Variants in SULT1C2 observed in about 807,000 individuals in gnomAD.
The protein encoded by SULT1C2 is sulfotransferase family 1C member 2, also known as sulfotransferase 1C2.
SULT1C2 carries 27 observed loss-of-function variants against 36.0 expected under a neutral mutation model. The observed-to-expected ratio is 0.75, with a 90% CI of 0.55 to 1.03. The LOEUF is 1.03. SULT1C2 is among the 50% of genes least tolerant of loss of function. The pLI, the probability that SULT1C2 is intolerant of heterozygous loss-of-function variation, is 0.00. For synonymous variants in SULT1C2, 121 were observed against 116.0 expected (o/e 1.04, Z -0.27); for missense variants, 395 against 359.2 (o/e 1.10, Z -0.80).
In SULT1C2 at chr2:108,296,310, T is replaced by C. The variant is rs547583439; in HGVS notation, c.277+1956T>C. ...AAAGGATGGTAATCAAACGGCCAGC[T>C]TGGCATGTCATACAGAGGCACCCTG... On this transcript the variant is annotated intron_variant, in intron 3 of 7. Coordinates refer to ENST00000251481, the MANE Select transcript of SULT1C2 (RefSeq NM_001056.4). 4.6e-5 allele frequency among the ~76,000 whole-genome samples: 7 copies of C among 152,300 alleles called. No individual in the cohort carries two copies. The East Asian group carries it at 5.8e-4, about 13-fold the overall frequency.
intron 3 of SULT1C2, among the ~76,000 whole-genome samples, chr2:108,295,821 G>A (rs1442699336): frequency 1.3e-5 from 2 of 152,228 alleles, no homozygotes; most frequent in East Asian, 3.9e-4. Context: ...AAAGATGGAG[G>A]CTAGCTCTGT....
chr2:108,308,261 C>T, intron 7 of SULT1C2, 91 bp from the exon 8 acceptor site: 3 of 1,190,122 alleles, frequency 2.5e-6, no homozygotes, highest in South Asian at 1.5e-5. Context: ...TGTGGACAGG[C>T]CAGATTCAGT....
chr2:108,289,131 A>G (rs1197298934), intron 1 of SULT1C2, 61 bp downstream of exon 1: 2 of 152,660 alleles, frequency 1.3e-5, no homozygotes, highest in South Asian at 2.1e-4. Flanking sequence ...TTTAACCTTT[A>G]GCCACATAGG....
chr2:108,293,609 C>T, intron 1 of SULT1C2, 38 bp from the exon 2 acceptor site: 1 of 1,537,420 alleles, frequency 6.5e-7, no homozygotes, highest in South Asian at 1.3e-5. Context: ...TATTTTACCA[C>T]AACTTCTTTA....
At chr2:108,295,331 C>T (rs1676697674) in intron 3 of SULT1C2, among the ~76,000 whole-genome samples, 1 of 152,216 alleles carries the variant, frequency 6.6e-6, no homozygotes, top group Non-Finnish European at 1.5e-5. Context: ...TAACCCAGTG[C>T]CTGTTCCCGC....
intron 7 of SULT1C2, 135 bp from the exon 8 acceptor site, chr2:108,308,216 GT>G (rs1226626192): frequency 5.6e-6 from 4 of 709,286 alleles, no homozygotes; most frequent in Non-Finnish European, 7.3e-6. Context: ...TCATGGACAG[GT>G]GTCCACTGAA....
chr2:108,290,918 C>G (rs1395238127), intron 1 of SULT1C2, among the ~76,000 whole-genome samples: 10 of 152,212 alleles, frequency 6.6e-5, no homozygotes, highest in Admixed American at 6.5e-4. Context: ...TTTTCTATCA[C>G]TATCACTGCC....
chr2:108,294,312 C>G lies in SULT1C2; in HGVS notation c.235C>G (p.Arg79Gly). Residue 79 changes from arginine to glycine, a missense_variant, in exon 3 of 8, where the codon CGC (arginine) becomes GGC (glycine). Arg to Gly is a moderately radical substitution (Grantham distance 125). Coordinates refer to ENST00000251481, the MANE Select transcript of SULT1C2 (RefSeq NM_001056.4). Reference sequence around the variant, plus strand: ...GTGCCAGCGAGCCATCATCCAACACCGCCATCCTTTCATTGAGTGGGCTCG... The same window carrying G: ...GTGCCAGCGAGCCATCATCCAACACGGCCATCCTTTCATTGAGTGGGCTCG... ...EKCQRAIIQH[R>G]HPFIEWARPP... 6.2e-7 allele frequency: 1 copy of G among 1,614,038 alleles called. No individual in the cohort carries two copies. Among genetic ancestry groups the G allele is most frequent in the Non-Finnish European group, 8.5e-7 (1 of 1,179,974 alleles).
At chr2:108,304,819 G>C (rs532246813) in intron 5 of SULT1C2, 119 bp downstream of exon 5, 3 of 1,373,340 alleles carry the variant, frequency 2.2e-6, no homozygotes, top group Non-Finnish European at 2.0e-6. Context: ...TCCTACCACA[G>C]ACTGGGACTG....
intron 7 of SULT1C2, among the ~76,000 whole-genome samples, chr2:108,306,306 T>C (rs1235548534): frequency 6.6e-6 from 1 of 152,228 alleles, no homozygotes; most frequent in Non-Finnish European, 1.5e-5. Flanking sequence ...AAACATGTCA[T>C]TGTTAAATAT....
intron 3 of SULT1C2, among the ~76,000 whole-genome samples, chr2:108,296,124 C>T (rs1472766760): frequency 6.6e-6 from 1 of 152,172 alleles, no homozygotes; most frequent in Non-Finnish European, 1.5e-5. Flanking sequence ...CTACCTCCTG[C>T]CCCTGCCGCT....
chr2:108,305,633 C>T (rs184541432), intron 7 of SULT1C2, 38 bp downstream of exon 7: 9 of 1,610,366 alleles, frequency 5.6e-6, no homozygotes, highest in East Asian at 4.5e-5. Context: ...CAGATTGTCT[C>T]GTAACATCCT....
Position 108,308,554 on chromosome 2 carries a change from C to A in SULT1C2, c.*90C>A. The A allele has an allele frequency of 9.3e-7, 1 of 1,080,198 alleles. No homozygotes were observed. The highest frequency in any genetic ancestry group is 1.3e-6 in the Non-Finnish European group (1 of 749,640). 66.9% of individuals were successfully genotyped at this position (1,080,198 alleles called of 1,614,324 possible). A position where few individuals can be genotyped will look rare whatever the true frequency, so the allele number is the denominator to read the frequency against. On this transcript the variant is annotated 3_prime_UTR_variant, in exon 8 of 8. Transcript: ENST00000251481. ...TCCCAGCCAGAAGAATCTCTGAAAG[C>A]ATATTGTGAATGTATACAATGTAGT...
At position 108,289,071 on chromosome 2, in the gene SULT1C2, G is replaced by A. The variant is rs1676529422; in HGVS notation, c.-22+1G>A. ...GCTGACTTTCAGCTGGAACTTGAAGGTAAGAATATGGCTTAAAAGAAATTC... is the reference window on the plus strand; with the variant it reads ...GCTGACTTTCAGCTGGAACTTGAAGATAAGAATATGGCTTAAAAGAAATTC... On this transcript the variant is annotated splice_donor_variant, in intron 1 of 7. Transcript: ENST00000251481. LOFTEE classifies it low-confidence loss of function (5UTR_SPLICE). The A allele has an allele frequency of 6.6e-6, 1 of 152,628 alleles. No homozygotes were observed. The highest frequency in any genetic ancestry group is 2.4e-5 in the African/African-American group (1 of 41,442). The allele number at this position is 152,628 out of a possible 1,614,324, so 9.5% of individuals were successfully genotyped here.
At chr2:108,298,740 G>A (rs1676801313) in intron 3 of SULT1C2, 1 of 271,476 alleles carries the variant, frequency 3.7e-6, no homozygotes, top group Admixed American at 5.5e-5. Context: ...CAATAACTGA[G>A]GTCACTAGGG....
intron 7 of SULT1C2, among the ~76,000 whole-genome samples, chr2:108,305,949 T>C (rs1677015290): frequency 6.6e-6 from 1 of 152,224 alleles, no homozygotes; most frequent in South Asian, 2.1e-4. Context: ...GGTCCAGGAC[T>C]CAGCAGCAGG....
At position 108,293,783 on chromosome 2, in the gene SULT1C2, C is replaced by A. The variant is rs367558634; in HGVS notation, c.116C>A (p.Pro39Gln). ...WSQIQSFEAK[P>Q]DDLLICTYPK... ...CAGATCCAGAGCTTCGAGGCCAAAC[C>A]AGATGATCTCCTCATCTGCACCTAC... The change falls in exon 2 of 8, where the codon CCA becomes CAA. Residue 39 changes from proline (P) to glutamine (Q), a missense_variant. Pro to Gln is a moderately conservative substitution (Grantham distance 76, BLOSUM62 -1). Coordinates refer to ENST00000251481, the MANE Select transcript of SULT1C2 (RefSeq NM_001056.4). The A allele has an allele frequency of 1.2e-6, 2 of 1,613,970 alleles. No homozygotes were observed. Among genetic ancestry groups the A allele is most frequent in the Non-Finnish European group, 1.7e-6 (2 of 1,180,002 alleles).
rs777327306 is a variant in SULT1C2, at chr2:108,308,500, G to C, written c.*36G>C. On this transcript the variant is annotated 3_prime_UTR_variant, in exon 8 of 8. Transcript: ENST00000251481. ...AATAAAATTAAAAGGTGGATGGCAA[G>C]AGTGCAAATACTATCTTCAATCCTT... 2 of 1,545,772 alleles carry C rather than the reference G, an allele frequency of 1.3e-6. No individual in the cohort carries two copies. Among genetic ancestry groups the C allele is most frequent in the Non-Finnish European group, 1.8e-6 (2 of 1,135,594 alleles).
intron 7 of SULT1C2, 176 bp downstream of exon 7, chr2:108,305,771 T>C (rs567978559): frequency 1.4e-4 from 109 of 800,018 alleles, no homozygotes; most frequent in Middle Eastern, 9.1e-4. Context: ...TTCTAGGGTA[T>C]TGTTCCAGTA....
Sources: allele counts gnomAD v4.1 joint callset (sites outside exome capture counted in the v4.1 genomes callset), GRCh38; gene constraint gnomAD v4.1.1; transcripts MANE v1.5; gene names NCBI Gene and HGNC (gene_info 2026-07-23, HGNC 2026-07-21).